DLGAP1: variants seen among roughly 807,000 people sequenced by gnomAD.
The protein encoded by DLGAP1 is disks large-associated protein 1.
In DLGAP1, 11 loss-of-function variants were observed where a neutral mutation model predicts 90.8. That is an observed-to-expected ratio of 0.12 (90% CI 0.08 to 0.20). The LOEUF (loss-of-function observed/expected upper bound fraction) is 0.20, where lower values mean the gene tolerates loss of function less well. Ranked by LOEUF, DLGAP1 falls within the 10% of genes least tolerant of loss-of-function variation. DLGAP1 has a pLI of 1.00. For synonymous variants in DLGAP1, 558 were observed against 540.7 expected (o/e 1.03, Z -0.44); for missense variants, 1,050 against 1,333.8 (o/e 0.79, Z 3.31).
chr18:4,342,176 C>T lies in DLGAP1; in HGVS notation c.-267+112830G>A, dbSNP rs1041351331. Among the ~76,000 whole-genome samples, 3 of 152,094 alleles carry T rather than the reference C, an allele frequency of 2.0e-5. No homozygotes were observed. Among genetic ancestry groups the T allele is most frequent in the African/African-American group, 7.2e-5 (3 of 41,396 alleles). ...TATTCAACAGACTCAAAGTGGTAGT[C>T]TCTTCTGACACCCAGTTTGGCAGTA... On this transcript the variant is annotated intron_variant, in intron 1 of 12. Coordinates refer to ENST00000315677, the MANE Select transcript of DLGAP1 (RefSeq NM_004746.4). This position sits in a 1 kb window ranked among gnomAD's most constrained non-coding sequence, Gnocchi z 5.8.
rs936642961 is a variant in DLGAP1 at position 4,455,257 on chromosome 18, A to T, written c.-518T>A. Reference sequence around the variant, plus strand: ...CCCGAAGCGCAGCGCTCGCCTCTGGAGCGGAGGCTGAGCGCCGGGACGCGG... The same window carrying T: ...CCCGAAGCGCAGCGCTCGCCTCTGGTGCGGAGGCTGAGCGCCGGGACGCGG... On this transcript the variant is annotated 5_prime_UTR_variant, in exon 1 of 13. Coordinates refer to ENST00000315677, the MANE Select transcript of DLGAP1 (RefSeq NM_004746.4). 2 of 152,236 alleles carry T rather than the reference A, an allele frequency of 1.3e-5. No individual in the cohort carries two copies. The highest frequency in any genetic ancestry group is 4.8e-5 in the African/African-American group (2 of 41,314). The allele number at this position is 152,236 out of a possible 1,614,324, so 9.4% of individuals were successfully genotyped here. A position where few individuals can be genotyped will look rare whatever the true frequency, so the allele number is the denominator to read the frequency against.
chr18:4,356,263 C>T (rs1358670130), intron 1 of DLGAP1, among the ~76,000 whole-genome samples: 1 of 152,030 alleles, frequency 6.6e-6, no homozygotes, highest in Non-Finnish European at 1.5e-5. Context: ...CATCCCGACC[C>T]CTAGGCTGAA....
At chr18:4,103,773 A>G (rs2075816879) in intron 2 of DLGAP1, among the ~76,000 whole-genome samples, 1 of 152,150 alleles carries the variant, frequency 6.6e-6, no homozygotes, top group African/African-American at 2.4e-5. Context: ...TTGAAAATCA[A>G]GTAGGTTTTG....
chr18:3,722,666 A>C (rs2062020810), intron 7 of DLGAP1: 1 of 152,226 alleles, frequency 6.6e-6, no homozygotes, highest in Non-Finnish European at 1.5e-5. Context: ...TATCTTGAAT[A>C]GAAAAGAAAG....
chr18:4,295,232 CA>C (rs1225369072), intron 1 of DLGAP1: 1 of 152,178 alleles, frequency 6.6e-6, no homozygotes, highest in Non-Finnish European at 1.5e-5. Context: ...ACGCGAAATT[CA>C]TCTGTTTCTT....
intron 1 of DLGAP1, among the ~76,000 whole-genome samples, chr18:4,298,718 A>G (rs922286065): frequency 1.1e-4 from 17 of 152,164 alleles, no homozygotes; most frequent in African/African-American, 3.9e-4. Flanking sequence ...GCACATGTAT[A>G]CATATGTAAC....
intron 5 of DLGAP1, among the ~76,000 whole-genome samples, chr18:3,797,930 T>C (rs1459380964): frequency 6.6e-6 from 1 of 152,182 alleles, no homozygotes; most frequent in African/African-American, 2.4e-5. Context: ...GTTCTTGTCA[T>C]TGTGAATAAG....
chr18:3,512,652 T>C (rs1156612951), intron 10 of DLGAP1, among the ~76,000 whole-genome samples: 1 of 152,230 alleles, frequency 6.6e-6, no homozygotes, highest in Non-Finnish European at 1.5e-5. Flanking sequence ...AATTAGATCC[T>C]CGCAGGACCC....
chr18:4,269,394 C>T (rs1234460106), intron 1 of DLGAP1, among the ~76,000 whole-genome samples: 2 of 147,116 alleles, frequency 1.4e-5, no homozygotes, highest in African/African-American at 2.5e-5. Context: ...TGCTCTGTCG[C>T]CCAGGCTGGA....
intron 7 of DLGAP1, among the ~76,000 whole-genome samples, chr18:3,635,889 C>A (rs1460405192): frequency 6.6e-6 from 1 of 151,490 alleles, no homozygotes; most frequent in Admixed American, 6.6e-5. Context: ...CCAGACCCTT[C>A]CTAATTCACT....
intron 2 of DLGAP1, among the ~76,000 whole-genome samples, chr18:4,130,374 T>G (rs985895184): frequency 1.3e-5 from 2 of 152,126 alleles, no homozygotes; most frequent in Non-Finnish European, 2.9e-5. Flanking sequence ...TAATAGTAAG[T>G]GATGGATTAG....
At chr18:3,781,030 G>A (rs1215361721) in intron 5 of DLGAP1, among the ~76,000 whole-genome samples, 1 of 152,168 alleles carries the variant, frequency 6.6e-6, no homozygotes, top group East Asian at 1.9e-4. Flanking sequence ...GTCTTGTTAT[G>A]TTTCCCAGGC....
At chr18:3,531,924 C>T (rs1381128024) in intron 10 of DLGAP1, among the ~76,000 whole-genome samples, 1 of 152,178 alleles carries the variant, frequency 6.6e-6, no homozygotes, top group Non-Finnish European at 1.5e-5. Context: ...GGCACAGTCT[C>T]AGCTTGCCGC....
At chr18:4,401,121 C>G (rs746597451) in intron 1 of DLGAP1, among the ~76,000 whole-genome samples, 4 of 152,172 alleles carry the variant, frequency 2.6e-5, no homozygotes, top group Non-Finnish European at 5.9e-5. Flanking sequence ...CTAATGTCAG[C>G]AGAGGCACTT....
At chr18:4,087,451 G>A (rs2143699570) in intron 2 of DLGAP1, among the ~76,000 whole-genome samples, 1 of 152,312 alleles carries the variant, frequency 6.6e-6, no homozygotes, top group Middle Eastern at 3.4e-3. Context: ...TGCTCCTACT[G>A]CAGATAACTA....
chr18:3,761,293 T>C (rs1020853790), intron 5 of DLGAP1, among the ~76,000 whole-genome samples: 4 of 152,174 alleles, frequency 2.6e-5, no homozygotes, highest in East Asian at 3.8e-4. Flanking sequence ...TTTCTGTATC[T>C]ATGAATTTGG....
At chr18:3,587,126 C>G (rs1428418835) in intron 7 of DLGAP1, among the ~76,000 whole-genome samples, 1 of 152,204 alleles carries the variant, frequency 6.6e-6, no homozygotes, top group African/African-American at 2.4e-5. Context: ...GCAATCTCGG[C>G]TCACTGCAAC....
intron 2 of DLGAP1, among the ~76,000 whole-genome samples, chr18:4,014,432 C>A (rs1217026889): frequency 2.0e-5 from 3 of 151,998 alleles, no homozygotes; most frequent in African/African-American, 4.8e-5. Context: ...AGATGTTGGT[C>A]AAGGGGTATG....
intron 7 of DLGAP1, among the ~76,000 whole-genome samples, chr18:3,633,493 A>C (rs1409503786): frequency 6.6e-6 from 1 of 151,966 alleles, no homozygotes; most frequent in Non-Finnish European, 1.5e-5. Flanking sequence ...GGAATTTATC[A>C]GAATTAAGAG....
Sources: gnomAD v4.1 joint callset for allele counts (sites outside exome capture counted in the v4.1 genomes callset) on GRCh38, gnomAD v4.1.1 for gene constraint, Gnocchi (gnomAD v3.1) non-coding constraint, MANE v1.5 for transcripts, NCBI Gene and HGNC (gene_info 2026-07-23, HGNC 2026-07-21) for gene names.